FAM83D: variants seen among roughly 807,000 people sequenced by gnomAD.
FAM83D encodes the protein protein FAM83D.
A neutral mutation model predicts 25.4 loss-of-function variants in FAM83D; 26 were observed. That is an observed-to-expected ratio of 1.02 (90% CI 0.75 to 1.42). FAM83D has a LOEUF of 1.42. FAM83D is among the 40% of genes most tolerant of loss of function. The probability of loss-of-function intolerance (pLI) is 0.00; values close to 1 mark genes in which losing one functional copy is unlikely to be tolerated. For missense variants in FAM83D, 740 were observed against 758.1 expected (o/e 0.98, Z 0.28); for synonymous variants, 310 against 318.5 (o/e 0.97, Z 0.28).
intron 2 of FAM83D, among the ~76,000 whole-genome samples, chr20:38,946,362 A>G (rs1314168110): frequency 6.6e-6 from 1 of 152,206 alleles, no homozygotes; most frequent in African/African-American, 2.4e-5. Flanking sequence ...GAATATTGAT[A>G]GATTAACAGA....
At chr20:38,930,126 G>T (rs1181169442) in intron 1 of FAM83D, among the ~76,000 whole-genome samples, 1 of 152,172 alleles carries the variant, frequency 6.6e-6, no homozygotes, top group East Asian at 1.9e-4. Flanking sequence ...GTGTCACCTT[G>T]ACCACATCCT....
intron 1 of FAM83D, among the ~76,000 whole-genome samples, chr20:38,937,069 A>C (rs1477189207): frequency 6.6e-6 from 1 of 152,208 alleles, no homozygotes; most frequent in Non-Finnish European, 1.5e-5. Context: ...GAAGTGCAGG[A>C]ACAGTGGGGT....
chr20:38,931,771 C>T (rs756061187), intron 1 of FAM83D, among the ~76,000 whole-genome samples: 2 of 152,252 alleles, frequency 1.3e-5, no homozygotes, highest in Non-Finnish European at 1.5e-5. Flanking sequence ...TTTTATCCAG[C>T]AGCTCTCTGA....
intron 1 of FAM83D, among the ~76,000 whole-genome samples, chr20:38,931,433 C>T (rs2085658538): frequency 6.6e-6 from 1 of 152,202 alleles, no homozygotes; most frequent in Admixed American, 6.5e-5. Context: ...ATAGATGTTT[C>T]TGGTACCTGG....
chr20:38,944,687 C>CCCAG (rs1300550263), intron 2 of FAM83D, among the ~76,000 whole-genome samples: 1 of 152,158 alleles, frequency 6.6e-6, no homozygotes, highest in Non-Finnish European at 1.5e-5. Context: ...CGCCTGTAAT[C>CCCAG]CCAGCACTTT....
At position 38,952,033 on chromosome 20, in the gene FAM83D, T is replaced by A; in HGVS notation, c.1271T>A (p.Val424Asp). 1 of 1,614,174 alleles carries A rather than the reference T, an allele frequency of 6.2e-7. No homozygotes were observed. Among genetic ancestry groups the A allele is most frequent in the Non-Finnish European group, 8.5e-7 (1 of 1,180,042 alleles). Reference sequence around the variant, plus strand: ...GCATGTGCTGGTACCCAGACTGCAGTCATCACCAGGATAGCAAGCTCTCAA... The same window carrying A: ...GCATGTGCTGGTACCCAGACTGCAGACATCACCAGGATAGCAAGCTCTCAA... Reference protein sequence around the residue: ...TTACAGTQTAVITRIASSQTT... With the variant: ...TTACAGTQTADITRIASSQTT... Residue 424 changes from valine to aspartate, a missense_variant, in exon 4 of 4, where the codon GTC (valine) becomes GAC (aspartate). This residue lies in a region of FAM83D where 375 missense variants were observed against 403.2 expected (regional missense o/e 0.93). Coordinates refer to ENST00000619850, the MANE Select transcript of FAM83D (RefSeq NM_030919.3).
intron 1 of FAM83D, among the ~76,000 whole-genome samples, chr20:38,940,172 A>C (rs2085695623): frequency 6.6e-6 from 1 of 152,166 alleles, no homozygotes; most frequent in Admixed American, 6.5e-5. Context: ...AGTGGGTTTC[A>C]GCCATGCCCT....
intron 2 of FAM83D, 37 bp downstream of exon 2, chr20:38,942,163 A>G (rs1235815242): frequency 1.2e-6 from 2 of 1,605,834 alleles, no homozygotes; most frequent in East Asian, 2.2e-5. Flanking sequence ...ACCATAGTCA[A>G]CAAATATGAC....
At position 38,951,682 on chromosome 20, in the gene FAM83D, G is replaced by A; in HGVS notation, c.920G>A (p.Ser307Asn). ...CCCAAACTCCTGTCTCACTTCCAGA[G>A]CAGCAACAAGTTTGATCACCTCACC... is the stretch of plus-strand genomic sequence containing the variant. The part of the protein sequence containing the change: ...ISPKLLSHFQ[S>N]SNKFDHLTNR... The change falls in exon 4 of 4, where the codon AGC becomes AAC. Residue 307 changes from serine (S) to asparagine (N), a missense_variant. Physicochemically the swap from Ser to Asn is conservative, Grantham distance 46. This residue lies in a region of FAM83D where 375 missense variants were observed against 403.2 expected (regional missense o/e 0.93). Transcript: ENST00000619850. 6.2e-7 allele frequency: 1 copy of A among 1,614,190 alleles called. No homozygotes were observed. The highest frequency in any genetic ancestry group is 8.5e-7 in the Non-Finnish European group (1 of 1,180,036).
intron 1 of FAM83D, among the ~76,000 whole-genome samples, chr20:38,935,361 G>C (rs1039140455): frequency 3.3e-5 from 5 of 152,188 alleles, no homozygotes; most frequent in Non-Finnish European, 7.3e-5. Flanking sequence ...AGTCCCTCCA[G>C]AGATCAGTGA....
At position 38,926,470 on chromosome 20, in the gene FAM83D, G is replaced by T. The variant is rs771111401; in HGVS notation, c.28G>T (p.Glu10Ter). Residue 10 changes from glutamate (E) to a stop codon, truncating the protein, a stop_gained, in exon 1 of 4, where the codon GAG (glutamate) becomes TAG (stop). Coordinates refer to ENST00000619850, the MANE Select transcript of FAM83D (RefSeq NM_030919.3). LOFTEE classifies it high-confidence loss of function. ...GGCTCTGCTGTCCGAGGGCCTGGAC[G>T]AGGTGCCCGCCGCCTGCCTGTCGCC... Reference protein sequence around the residue: MALLSEGLDEVPAACLSPCG... With the variant: MALLSEGLD 4.4e-6 allele frequency: 7 copies of T among 1,597,432 alleles called. No homozygotes were observed. The South Asian group carries it at 5.5e-5, about 13-fold the overall frequency.
At position 38,929,375 on chromosome 20, in the gene FAM83D, G is replaced by A. The variant is rs1488458100; in HGVS notation, c.483+2450G>A. ...GTGAGGAGTTTGCTGCAGGTACTGC[G>A]GAAAGGGCTAAAGAAAGAAAGTCTC... On this transcript the variant is annotated intron_variant, in intron 1 of 3. Transcript: ENST00000619850. 3.9e-5 allele frequency among the ~76,000 whole-genome samples: 6 copies of A among 152,080 alleles called. No homozygotes were observed. In the South Asian group the frequency reaches 8.3e-4, roughly 21 times the overall value.
intron 1 of FAM83D, among the ~76,000 whole-genome samples, chr20:38,927,456 G>T (rs1430777428): frequency 4.0e-5 from 6 of 151,062 alleles, no homozygotes; most frequent in Admixed American, 2.6e-4. Flanking sequence ...AGATAAACAC[G>T]AGAGTGGCAA....
At chr20:38,943,279 CT>C (rs2085711141) in intron 2 of FAM83D, among the ~76,000 whole-genome samples, 1 of 152,228 alleles carries the variant, frequency 6.6e-6, no homozygotes, top group Non-Finnish European at 1.5e-5. Context: ...CTGCCTCGGC[CT>C]CCCAAAGTGC....
intron 1 of FAM83D, among the ~76,000 whole-genome samples, chr20:38,930,672 A>T (rs1481664321): frequency 1.3e-5 from 2 of 149,796 alleles, no homozygotes; most frequent in Non-Finnish European, 3.0e-5. Flanking sequence ...TTTTGGAGAC[A>T]GAGTTGCTCT....
chr20:38,934,415 C>A (rs1402381754), intron 1 of FAM83D, among the ~76,000 whole-genome samples: 1 of 151,364 alleles, frequency 6.6e-6, no homozygotes, highest in Non-Finnish European at 1.5e-5. Context: ...ATAGCTTGAA[C>A]CTGGGAGGTG....
intron 2 of FAM83D, among the ~76,000 whole-genome samples, chr20:38,947,203 T>C (rs1346647924): frequency 3.3e-5 from 5 of 152,234 alleles, no homozygotes; most frequent in Admixed American, 3.3e-4. Flanking sequence ...ACAGGAATAA[T>C]TATGCATACA....
intron 2 of FAM83D, among the ~76,000 whole-genome samples, chr20:38,944,513 G>C (rs1244160470): frequency 1.3e-5 from 2 of 152,170 alleles, no homozygotes; most frequent in Non-Finnish European, 2.9e-5. Flanking sequence ...GAATTGTTCT[G>C]GCCACAACTT....
Position 38,952,575 on chromosome 20 carries a change from C to A in FAM83D, c.*55C>A. On this transcript the variant is annotated 3_prime_UTR_variant, in exon 4 of 4. Coordinates refer to ENST00000619850, the MANE Select transcript of FAM83D (RefSeq NM_030919.3). ...CCAGGCTTACAGTGGACATCATCAG[C>A]TTCCTGCTTTAAAAAATATCTTATG... 1 of 1,536,240 alleles carries A rather than the reference C, an allele frequency of 6.5e-7. No homozygotes were observed. The highest frequency in any genetic ancestry group is 8.8e-7 in the Non-Finnish European group (1 of 1,140,688).
Sources: allele counts gnomAD v4.1 joint callset (sites outside exome capture counted in the v4.1 genomes callset), GRCh38; gene constraint gnomAD v4.1.1; regional missense constraint gnomAD v4.1.1; transcripts MANE v1.5; gene names NCBI Gene and HGNC (gene_info 2026-07-23, HGNC 2026-07-21).